Variants in TMEM163 observed in about 807,000 individuals in gnomAD.
The protein encoded by TMEM163 is transmembrane protein 163.
A neutral mutation model predicts 29.3 loss-of-function variants in TMEM163; 17 were observed. The ratio of observed to expected loss-of-function variants is 0.58; its 90% CI spans 0.40 to 0.87. The LOEUF (loss-of-function observed/expected upper bound fraction) is 0.87. TMEM163 is among the 40% of genes least tolerant of loss of function. The pLI is 0.00. For synonymous variants in TMEM163, 157 were observed against 160.6 expected, an observed-to-expected ratio of 0.98 and a Z score of 0.17; for missense variants, 303 against 381.5, an observed-to-expected ratio of 0.79 and a Z score of 1.71.
chr2:134,626,301 C>T (rs1281542911), intron 2 of TMEM163, among the ~76,000 whole-genome samples: 3 of 151,986 alleles, frequency 2.0e-5, no homozygotes, highest in African/African-American at 7.2e-5. Context: ...GACAGGGTTT[C>T]ACCATGTTGG....
At chr2:134,589,387 G>C (rs1168361810) in intron 2 of TMEM163, among the ~76,000 whole-genome samples, 1 of 152,192 alleles carries the variant, frequency 6.6e-6, no homozygotes, top group African/African-American at 2.4e-5. Context: ...AGGTCACAAA[G>C]ACCTTGCTGA....
chr2:134,576,129 G>C (rs1409417977), intron 2 of TMEM163, among the ~76,000 whole-genome samples: 1 of 152,204 alleles, frequency 6.6e-6, no homozygotes, highest in African/African-American at 2.4e-5. Flanking sequence ...AAAGGTATTT[G>C]ACTGGTCAGC....
At chr2:134,574,523 G>A (rs527511597) in intron 2 of TMEM163, among the ~76,000 whole-genome samples, 1 of 152,198 alleles carries the variant, frequency 6.6e-6, no homozygotes, top group East Asian at 1.9e-4. Context: ...TCGCGCCACT[G>A]CACTCCAGCC....
At chr2:134,493,975 G>A (rs117352514) in intron 5 of TMEM163, among the ~76,000 whole-genome samples, 13 of 152,166 alleles carry the variant, frequency 8.5e-5, no homozygotes, top group East Asian at 7.8e-4. Flanking sequence ...GTATGAGTAC[G>A]TCCTTAGGAG....
chr2:134,561,173 C>T (rs1427860674), intron 2 of TMEM163, among the ~76,000 whole-genome samples: 1 of 152,188 alleles, frequency 6.6e-6, no homozygotes, highest in Non-Finnish European at 1.5e-5. Flanking sequence ...CACGCCAGAG[C>T]TAAAAGTAGC....
intron 2 of TMEM163, among the ~76,000 whole-genome samples, chr2:134,673,717 G>C (rs1033932874): frequency 6.6e-6 from 1 of 152,118 alleles, no homozygotes; most frequent in Non-Finnish European, 1.5e-5. Context: ...GAGAGCCCAC[G>C]AGCTGAGGAA....
intron 2 of TMEM163, among the ~76,000 whole-genome samples, chr2:134,640,680 G>A (rs542349210): frequency 3.2e-4 from 48 of 152,268 alleles, no homozygotes; most frequent in African/African-American, 1.1e-3. Flanking sequence ...CCTGGTTTAA[G>A]ACCTTTAACC....
At chr2:134,695,957 A>G (rs1326703194) in intron 2 of TMEM163, among the ~76,000 whole-genome samples, 1 of 151,672 alleles carries the variant, frequency 6.6e-6, no homozygotes, top group Non-Finnish European at 1.5e-5. Flanking sequence ...AGGCTGAGGT[A>G]GGAGAATTTC....
intron 2 of TMEM163, among the ~76,000 whole-genome samples, chr2:134,705,499 A>C (rs901858523): frequency 1.3e-5 from 2 of 152,146 alleles, no homozygotes; most frequent in Non-Finnish European, 2.9e-5. Context: ...GACTTCCCAC[A>C]TTCGCCAATG....
chr2:134,479,319 G>A (rs927294712), intron 5 of TMEM163, among the ~76,000 whole-genome samples: 3 of 152,164 alleles, frequency 2.0e-5, no homozygotes, highest in Admixed American at 1.3e-4. Flanking sequence ...CCAATGACCA[G>A]TGCATCTGAG....
chr2:134,546,574 G>A (rs1342990116), intron 4 of TMEM163, among the ~76,000 whole-genome samples: 1 of 151,902 alleles, frequency 6.6e-6, no homozygotes, highest in African/African-American at 2.4e-5. Flanking sequence ...AACCCGGGAG[G>A]CGGAGCTTGC....
At chr2:134,544,864 T>C (rs1466654431) in intron 4 of TMEM163, among the ~76,000 whole-genome samples, 1 of 152,078 alleles carries the variant, frequency 6.6e-6, no homozygotes, top group African/African-American at 2.4e-5. Flanking sequence ...AATGACCACA[T>C]GGGGCTAGTG....
chr2:134,492,993 C>A (rs899572543), intron 5 of TMEM163, among the ~76,000 whole-genome samples: 1 of 152,144 alleles, frequency 6.6e-6, no homozygotes, highest in African/African-American at 2.4e-5. Context: ...AGATGCATCA[C>A]ACAAATTTTG....
chr2:134,583,706 A>C (rs551193479), intron 2 of TMEM163, among the ~76,000 whole-genome samples: 1 of 151,582 alleles, frequency 6.6e-6, no homozygotes, highest in Non-Finnish European at 1.5e-5. Flanking sequence ...ACGCACCATC[A>C]CTCCCAGTGA....
At chr2:134,620,090 A>G (rs1423141811) in intron 2 of TMEM163, among the ~76,000 whole-genome samples, 1 of 152,174 alleles carries the variant, frequency 6.6e-6, no homozygotes, top group Non-Finnish European at 1.5e-5. Context: ...TGATCTATAG[A>G]TGTAATACAT....
At chr2:134,598,924 A>AG (rs1460348212) in intron 2 of TMEM163, among the ~76,000 whole-genome samples, 4 of 124,886 alleles carry the variant, frequency 3.2e-5, no homozygotes, top group Non-Finnish European at 4.0e-5. Flanking sequence ...CTATCTCAAA[A>AG]AAAAAAAAAA....
intron 2 of TMEM163, among the ~76,000 whole-genome samples, chr2:134,570,970 T>C (rs1681408538): frequency 6.6e-6 from 1 of 152,232 alleles, no homozygotes; most frequent in South Asian, 2.1e-4. Flanking sequence ...TAAACTAACA[T>C]GAGGATTTCC....
intron 5 of TMEM163, among the ~76,000 whole-genome samples, chr2:134,497,665 A>T (rs1383749005): frequency 6.6e-6 from 1 of 152,190 alleles, no homozygotes; most frequent in African/African-American, 2.4e-5. Flanking sequence ...TACTTCTCAC[A>T]GTTCTGTTGT....
intron 5 of TMEM163, among the ~76,000 whole-genome samples, chr2:134,488,077 GA>G (rs1679349857): frequency 6.6e-6 from 1 of 151,898 alleles, no homozygotes; most frequent in Non-Finnish European, 1.5e-5. Context: ...AATAGCAACA[GA>G]TAGACAATAT....
Sources: allele counts gnomAD v4.1 joint callset (sites outside exome capture counted in the v4.1 genomes callset), GRCh38; gene constraint gnomAD v4.1.1; transcripts MANE v1.5; gene names NCBI Gene and HGNC (gene_info 2026-07-23, HGNC 2026-07-21).